The following CHCHD3 variants were observed in gnomAD, a reference collection of about 807,000 sequenced individuals.
CHCHD3 encodes coiled-coil-helix-coiled-coil-helix domain containing 3.
CHCHD3 carries 20 observed loss-of-function variants against 38.2 expected under a neutral mutation model. The ratio of observed to expected loss-of-function variants is 0.52; its 90% CI spans 0.37 to 0.76. The LOEUF is 0.76. Among genes scored for constraint, CHCHD3 ranks in the 30% least tolerant of loss-of-function variants. The pLI, the probability that CHCHD3 is intolerant of heterozygous loss-of-function variation, is 0.00. For missense variants in CHCHD3, 245 were observed against 279.2 expected, an observed-to-expected ratio of 0.88 and a Z score of 0.87; for synonymous variants, 82 against 100.0, an observed-to-expected ratio of 0.82 and a Z score of 1.07.
At chr7:132,987,952 T>TA (rs1812167088) in intron 3 of CHCHD3, among the ~76,000 whole-genome samples, 2 of 152,172 alleles carry the variant, frequency 1.3e-5, no homozygotes, top group Admixed American at 6.5e-5. Context: ...TTTTCTTGCT[T>TA]ATGATTTTCT....
At chr7:133,054,358 C>A (rs1814251400) in intron 2 of CHCHD3, among the ~76,000 whole-genome samples, 1 of 152,182 alleles carries the variant, frequency 6.6e-6, no homozygotes, top group Admixed American at 6.5e-5. Context: ...CACAAGAATT[C>A]CCTCTCACAC....
intron 3 of CHCHD3, among the ~76,000 whole-genome samples, chr7:132,992,960 A>C (rs1487424130): frequency 3.9e-5 from 6 of 152,330 alleles, no homozygotes; most frequent in African/African-American, 1.4e-4. Flanking sequence ...TTTCACCGTA[A>C]CAGCTGAGTA....
chr7:132,818,747 C>T (rs1426601315), intron 6 of CHCHD3, among the ~76,000 whole-genome samples: 2 of 152,154 alleles, frequency 1.3e-5, no homozygotes, highest in South Asian at 4.1e-4. Context: ...TTTCCCTTGA[C>T]AAAAATTCAC....
intron 5 of CHCHD3, among the ~76,000 whole-genome samples, chr7:132,851,530 A>C (rs1462072324): frequency 6.6e-6 from 1 of 152,198 alleles, no homozygotes; most frequent in Non-Finnish European, 1.5e-5. Context: ...TTGGACTTCT[A>C]TATTACACAC....
chr7:132,825,986 T>C (rs993296176), intron 6 of CHCHD3, among the ~76,000 whole-genome samples: 2 of 152,220 alleles, frequency 1.3e-5, no homozygotes, highest in South Asian at 2.1e-4. Context: ...TCTACTATAA[T>C]TGGCAATTCA....
chr7:133,025,923 T>C (rs761969336), intron 2 of CHCHD3, among the ~76,000 whole-genome samples: 3 of 152,208 alleles, frequency 2.0e-5, no homozygotes, highest in Non-Finnish European at 4.4e-5. Flanking sequence ...AAAAATATTA[T>C]TTACAATAGG....
intron 6 of CHCHD3, among the ~76,000 whole-genome samples, chr7:132,806,533 G>C (rs1005263227): frequency 6.6e-6 from 1 of 152,132 alleles, no homozygotes; most frequent in Non-Finnish European, 1.5e-5. Flanking sequence ...TTTTAGATGA[G>C]ATAATGGAAT....
intron 2 of CHCHD3, among the ~76,000 whole-genome samples, chr7:133,061,895 T>C (rs1814529086): frequency 6.6e-6 from 1 of 152,142 alleles, no homozygotes; most frequent in African/African-American, 2.4e-5. Context: ...AATACTCAAG[T>C]ACAGTGACAG....
intron 4 of CHCHD3, among the ~76,000 whole-genome samples, 169 bp from the exon 5 acceptor site, chr7:132,885,914 T>C (rs1809195535): frequency 6.6e-6 from 1 of 152,184 alleles, no homozygotes; most frequent in South Asian, 2.1e-4. Flanking sequence ...TATTTAAATG[T>C]AAAGAAGAAG....
intron 2 of CHCHD3, among the ~76,000 whole-genome samples, chr7:133,054,793 G>A (rs1814269113): frequency 6.6e-6 from 1 of 152,058 alleles, no homozygotes; most frequent in Non-Finnish European, 1.5e-5. Flanking sequence ...TTTTGTGACT[G>A]ACTGCTTTCA....
chr7:132,853,600 C>T (rs1163373851), intron 5 of CHCHD3, among the ~76,000 whole-genome samples: 8 of 152,018 alleles, frequency 5.3e-5, no homozygotes, highest in Non-Finnish European at 1.0e-4. Context: ...CCAGCCTGGG[C>T]GACAGAGCGA....
chr7:132,903,731 G>A (rs1809727324), intron 4 of CHCHD3, among the ~76,000 whole-genome samples: 1 of 152,134 alleles, frequency 6.6e-6, no homozygotes, highest in African/African-American at 2.4e-5. Context: ...TTGCCTTTCT[G>A]ACTTAAAACT....
chr7:132,892,233 T>C (rs2117185966), intron 4 of CHCHD3, among the ~76,000 whole-genome samples: 1 of 152,334 alleles, frequency 6.6e-6, no homozygotes, highest in South Asian at 2.1e-4. Flanking sequence ...ACCAAAATGC[T>C]GATAGTGATA....
At chr7:133,006,438 G>A (rs1180136681) in intron 3 of CHCHD3, among the ~76,000 whole-genome samples, 2 of 151,908 alleles carry the variant, frequency 1.3e-5, no homozygotes, top group Admixed American at 1.3e-4. Flanking sequence ...CTGCACTCCA[G>A]CCTGGGCAAC....
At chr7:132,859,038 A>G (rs1019330193) in intron 5 of CHCHD3, among the ~76,000 whole-genome samples, 3 of 152,160 alleles carry the variant, frequency 2.0e-5, no homozygotes. Flanking sequence ...TATGCTTAAC[A>G]GCTACAGTAC....
intron 4 of CHCHD3, among the ~76,000 whole-genome samples, chr7:132,923,335 CTATT>C (rs1289901342): frequency 3.3e-5 from 5 of 152,054 alleles, no homozygotes; most frequent in African/African-American, 1.2e-4. Flanking sequence ...GTATGGCTGT[CTATT>C]TATAGACAGA....
intron 5 of CHCHD3, among the ~76,000 whole-genome samples, chr7:132,875,509 C>T (rs1808873458): frequency 6.6e-6 from 1 of 152,146 alleles, no homozygotes; most frequent in South Asian, 2.1e-4. Context: ...AACCTACTAA[C>T]TTTCCCCCCA....
intron 4 of CHCHD3, among the ~76,000 whole-genome samples, chr7:132,893,446 T>C (rs1446861826): frequency 1.3e-5 from 2 of 152,358 alleles, no homozygotes; most frequent in East Asian, 3.9e-4. Flanking sequence ...GGACTTTCCT[T>C]GTCTCAAATG....
chr7:132,802,586 G>C (rs891499286), intron 6 of CHCHD3, among the ~76,000 whole-genome samples: 2 of 152,174 alleles, frequency 1.3e-5, no homozygotes, highest in African/African-American at 4.8e-5. Context: ...TTTGGTATGA[G>C]GTGGAAGAAA....
Sources: gnomAD v4.1 joint callset for allele counts (sites outside exome capture counted in the v4.1 genomes callset) on GRCh38, gnomAD v4.1.1 for gene constraint, MANE v1.5 for transcripts, NCBI Gene and HGNC (gene_info 2026-07-23, HGNC 2026-07-21) for gene names.